C10orf90: variants seen among roughly 807,000 people sequenced by gnomAD.
C10orf90 encodes the protein (E2-independent) E3 ubiquitin-conjugating enzyme FATS.
In C10orf90, 56 loss-of-function variants were observed where a neutral mutation model predicts 62.5. That is an observed-to-expected ratio of 0.90 (90% confidence interval 0.72 to 1.12). The LOEUF is 1.12. Ranked by LOEUF, C10orf90 falls within the 50% of genes most tolerant of loss-of-function variation. The pLI, the probability that C10orf90 is intolerant of heterozygous loss-of-function variation, is 0.00. For synonymous variants in C10orf90, 386 were observed against 340.4 expected (o/e 1.13, Z -1.47); for missense variants, 970 against 880.4 (o/e 1.10, Z -1.29).
chr10:126,651,736 G>A (rs182761321), intron 1 of C10orf90, among the ~76,000 whole-genome samples: 13 of 152,322 alleles, frequency 8.5e-5, no homozygotes, highest in East Asian at 7.7e-4. Flanking sequence ...GGACATGTGC[G>A]TAGTTTGCAG....
At position 126,438,940 on chromosome 10, in the gene C10orf90, G is replaced by T. The variant is rs541639146; in HGVS notation, c.2189-9090C>A. On this transcript the variant is annotated intron_variant, in intron 7 of 9. Transcript: ENST00000488181. Reference sequence around the variant, plus strand: ...ATGTATCCATGCCCCAGACCCTGGAGTTGTGTTCCCTCCATATGTACCCAT... The same window carrying T: ...ATGTATCCATGCCCCAGACCCTGGATTTGTGTTCCCTCCATATGTACCCAT... Among the ~76,000 whole-genome samples the T allele has an allele frequency of 6.6e-5, 10 of 151,994 alleles. No homozygotes were observed. In the East Asian group the frequency reaches 7.7e-4, roughly 12 times the overall value.
intron 2 of C10orf90, among the ~76,000 whole-genome samples, chr10:126,630,195 A>C (rs1315393316): frequency 2.0e-5 from 3 of 152,172 alleles, no homozygotes; most frequent in Non-Finnish European, 2.9e-5. Flanking sequence ...TGGATATCTT[A>C]AATCCCTGAT....
intron 2 of C10orf90, among the ~76,000 whole-genome samples, chr10:126,567,071 A>T (rs1300532044): frequency 6.6e-6 from 1 of 152,060 alleles, no homozygotes; most frequent in Admixed American, 6.5e-5. Context: ...CCCTGCGGGG[A>T]GCCACAGCTG....
At chr10:126,530,763 T>C (rs1438601907) in intron 2 of C10orf90, among the ~76,000 whole-genome samples, 3 of 150,110 alleles carry the variant, frequency 2.0e-5, no homozygotes, top group Admixed American at 1.3e-4. Context: ...ATGCCAACCC[T>C]ACAAAACATA....
At chr10:126,547,176 T>C (rs1268746445) in intron 2 of C10orf90, among the ~76,000 whole-genome samples, 1 of 151,376 alleles carries the variant, frequency 6.6e-6, no homozygotes, top group South Asian at 2.1e-4. Context: ...TCCCAGCACT[T>C]TGGGAGGCCG....
intron 7 of C10orf90, among the ~76,000 whole-genome samples, chr10:126,433,016 G>A (rs1465468894): frequency 1.3e-5 from 2 of 152,174 alleles, no homozygotes. Context: ...CTGGGTGGAG[G>A]AGATGCAAAA....
intron 2 of C10orf90, among the ~76,000 whole-genome samples, chr10:126,639,438 A>G (rs751452783): frequency 1.3e-5 from 2 of 152,212 alleles, no homozygotes; most frequent in Non-Finnish European, 2.9e-5. Context: ...TATTCAGATC[A>G]GGATACCGAT....
At chr10:126,535,468 G>A (rs891030371) in intron 2 of C10orf90, among the ~76,000 whole-genome samples, 1 of 149,886 alleles carries the variant, frequency 6.7e-6, no homozygotes, top group Non-Finnish European at 1.5e-5. Context: ...AGTGAGCTGA[G>A]ATCACGCCAC....
In C10orf90 at chr10:126,550,372, C is replaced by T. The variant is rs577884176; in HGVS notation, c.314-36433G>A. Reference sequence around the variant, plus strand: ...AGTGAGTGTGACTATAGAAGATCAACAGGAGGGAACCTTGTAATCACGGAA... The same window carrying T: ...AGTGAGTGTGACTATAGAAGATCAATAGGAGGGAACCTTGTAATCACGGAA... On this transcript the variant is annotated intron_variant, in intron 2 of 9. Transcript: ENST00000488181. Among the ~76,000 whole-genome samples, 5 of 152,234 alleles carry T rather than the reference C, an allele frequency of 3.3e-5. No homozygotes were observed. The South Asian group carries it at 1.0e-3, about 32-fold the overall frequency.
intron 2 of C10orf90, among the ~76,000 whole-genome samples, chr10:126,583,695 C>T (rs1844799943): frequency 6.6e-6 from 1 of 152,184 alleles, no homozygotes; most frequent in Middle Eastern, 3.2e-3. Flanking sequence ...CGGAGTCTCT[C>T]TGCTTAGCTC....
chr10:126,525,446 T>G (rs1468376993), intron 2 of C10orf90, among the ~76,000 whole-genome samples: 1 of 152,204 alleles, frequency 6.6e-6, no homozygotes, highest in Admixed American at 6.5e-5. Flanking sequence ...GGGCTTCTTG[T>G]CTCTCATCTG....
intron 2 of C10orf90, among the ~76,000 whole-genome samples, chr10:126,627,740 T>A (rs1392124603): frequency 6.6e-6 from 1 of 152,192 alleles, no homozygotes; most frequent in Non-Finnish European, 1.5e-5. Context: ...AACTCCTAGG[T>A]ACTCAGCAGA....
intron 2 of C10orf90, among the ~76,000 whole-genome samples, chr10:126,623,518 C>G (rs1038724316): frequency 6.6e-6 from 1 of 152,068 alleles, no homozygotes; most frequent in Non-Finnish European, 1.5e-5. Flanking sequence ...CAATTTCTAC[C>G]TTGATCTCTC....
intron 4 of C10orf90, among the ~76,000 whole-genome samples, chr10:126,481,685 T>A (rs1320355542): frequency 6.6e-6 from 1 of 152,130 alleles, no homozygotes; most frequent in East Asian, 1.9e-4. Context: ...CACCCTAAAA[T>A]GAAGAAGCCA....
At chr10:126,454,061 G>A (rs1859374684) in intron 7 of C10orf90, among the ~76,000 whole-genome samples, 1 of 152,012 alleles carries the variant, frequency 6.6e-6, no homozygotes, top group Non-Finnish European at 1.5e-5. Flanking sequence ...GAGCTGCAGT[G>A]GGCACAGGAT....
At chr10:126,605,370 C>T (rs1285131726) in intron 2 of C10orf90, among the ~76,000 whole-genome samples, 1 of 152,180 alleles carries the variant, frequency 6.6e-6, no homozygotes, top group African/African-American at 2.4e-5. Flanking sequence ...CTGTGGGGAG[C>T]AGGCAGGGGC....
chr10:126,648,778 A>T (rs987475267), intron 1 of C10orf90, among the ~76,000 whole-genome samples: 2 of 151,806 alleles, frequency 1.3e-5, no homozygotes, highest in African/African-American at 2.4e-5. Context: ...TGGAAATTTT[A>T]AGCTTCTTCT....
chr10:126,605,292 T>TCCAGCGCTCTCCTCTCCTGACC (rs1845283809), intron 2 of C10orf90, among the ~76,000 whole-genome samples: 1 of 152,172 alleles, frequency 6.6e-6, no homozygotes, highest in African/African-American at 2.4e-5. Flanking sequence ...TTTCTCTGAC[T>TCCAGCGCTCTCCTCTCCTGACC]CCAGCGCTCT....
intron 2 of C10orf90, among the ~76,000 whole-genome samples, chr10:126,636,739 C>A (rs1011326632): frequency 6.6e-6 from 1 of 152,012 alleles, no homozygotes; most frequent in Non-Finnish European, 1.5e-5. Context: ...ATGCTTTTTT[C>A]TTTTTTAGAA....
Sources: allele counts gnomAD v4.1 joint callset (sites outside exome capture counted in the v4.1 genomes callset), GRCh38; gene constraint gnomAD v4.1.1; transcripts MANE v1.5; gene names NCBI Gene and HGNC (gene_info 2026-07-23, HGNC 2026-07-21).